GIGYF2: variants seen among roughly 807,000 people sequenced by gnomAD.
GIGYF2 encodes GRB10 interacting GYF protein 2, also known as GRB10-interacting GYF protein 2.
GIGYF2 carries 25 observed loss-of-function variants against 208.1 expected under a neutral mutation model. That is an observed-to-expected ratio of 0.12 (90% CI 0.09 to 0.17). GIGYF2 has a LOEUF of 0.17. Among genes scored for constraint, GIGYF2 ranks in the 10% least tolerant of loss-of-function variants. GIGYF2 has a pLI of 1.00. For synonymous variants in GIGYF2, 534 were observed against 543.8 expected (o/e 0.98, Z 0.25); for missense variants, 1,302 against 1,579.4 (o/e 0.82, Z 2.98).
chr2:232,802,300 G>A (rs1700422000), intron 14 of GIGYF2, among the ~76,000 whole-genome samples: 1 of 152,054 alleles, frequency 6.6e-6, no homozygotes, highest in Admixed American at 6.6e-5. Context: ...GAATAGGGAA[G>A]TGGTGAAAGT....
intron 3 of GIGYF2, chr2:232,736,567 C>G (rs1697742845): frequency 6.6e-6 from 1 of 151,950 alleles, no homozygotes; most frequent in South Asian, 2.1e-4. Context: ...TATGGATGTA[C>G]CATCATTTAT....
intron 8 of GIGYF2, among the ~76,000 whole-genome samples, chr2:232,772,521 G>A (rs929428296): frequency 1.3e-5 from 2 of 152,188 alleles, no homozygotes; most frequent in African/African-American, 2.4e-5. Flanking sequence ...TTAGTTTTCT[G>A]CTGCAAACAG....
At chr2:232,838,670 G>T (rs1425203798) in intron 22 of GIGYF2, among the ~76,000 whole-genome samples, 1 of 152,280 alleles carries the variant, frequency 6.6e-6, no homozygotes, top group Middle Eastern at 3.4e-3. Context: ...TTCAGGTTAT[G>T]CTGCCAGTTT....
At chr2:232,741,282 T>C (rs1050910618) in intron 3 of GIGYF2, among the ~76,000 whole-genome samples, 1 of 152,170 alleles carries the variant, frequency 6.6e-6, no homozygotes, top group African/African-American at 2.4e-5. Flanking sequence ...TGTTCCTATA[T>C]CGGGTCTGTC....
At chr2:232,815,344 C>G (rs569015633) in intron 18 of GIGYF2, among the ~76,000 whole-genome samples, 194 of 152,214 alleles carry the variant, frequency 1.3e-3, no homozygotes, top group African/African-American at 4.6e-3. Context: ...ACTTCTGACC[C>G]TTAGTTTGTT....
chr2:232,826,912 A>G (rs1157474019), intron 21 of GIGYF2, among the ~76,000 whole-genome samples: 1 of 152,212 alleles, frequency 6.6e-6, no homozygotes, highest in African/African-American at 2.4e-5. Flanking sequence ...ATCAGCAGCC[A>G]TCAACATCAA....
At chr2:232,853,568 C>T (rs908569701) in intron 28 of GIGYF2, among the ~76,000 whole-genome samples, 9 of 152,320 alleles carry the variant, frequency 5.9e-5, no homozygotes, top group Admixed American at 2.6e-4. Context: ...CCACCGTGCC[C>T]GGCTGGCTTC....
intron 8 of GIGYF2, chr2:232,764,733 A>G (rs898993578): frequency 3.3e-5 from 5 of 152,218 alleles, no homozygotes; most frequent in Admixed American, 1.3e-4. Flanking sequence ...TTGTCTGAAA[A>G]TGGCTTGGGT....
chr2:232,747,850 A>T (rs1463457833), intron 4 of GIGYF2, 106 bp downstream of exon 4: 4 of 1,032,666 alleles, frequency 3.9e-6, no homozygotes, highest in Admixed American at 3.7e-5. Flanking sequence ...GTATTGACCC[A>T]TGCCTTTCCA....
At chr2:232,707,405 G>C (rs933589335) in intron 2 of GIGYF2, among the ~76,000 whole-genome samples, 1 of 152,060 alleles carries the variant, frequency 6.6e-6, no homozygotes, top group Non-Finnish European at 1.5e-5. Context: ...GAATTGTCTT[G>C]GTACTTTCTA....
chr2:232,756,105 G>A (rs542367363), intron 5 of GIGYF2, 118 bp from the exon 6 acceptor site: 4 of 640,010 alleles, frequency 6.2e-6, no homozygotes, highest in African/African-American at 3.7e-5. Flanking sequence ...GTAATTAGAT[G>A]CCTTTTTATA....
At chr2:232,808,531 A>C (rs1318259603) in intron 15 of GIGYF2, among the ~76,000 whole-genome samples, 1 of 152,216 alleles carries the variant, frequency 6.6e-6, no homozygotes, top group African/African-American at 2.4e-5. Flanking sequence ...TTTTTCATGT[A>C]GACATTTTAG....
chr2:232,730,271 G>A (rs1697402503), intron 2 of GIGYF2: 2 of 720,290 alleles, frequency 2.8e-6, no homozygotes, highest in Admixed American at 2.5e-5. Flanking sequence ...GCTGAAAGAG[G>A]AAAAAAATAT....
At chr2:232,826,576 T>C (rs960544434) in intron 21 of GIGYF2, among the ~76,000 whole-genome samples, 3 of 152,152 alleles carry the variant, frequency 2.0e-5, no homozygotes, top group Non-Finnish European at 2.9e-5. Flanking sequence ...CAAAAGAAAC[T>C]ATCATCAGAG....
At chr2:232,847,311 C>T in intron 26 of GIGYF2, 37 bp from the exon 27 acceptor site, 1 of 1,602,494 alleles carries the variant, frequency 6.2e-7, no homozygotes, top group Non-Finnish European at 8.5e-7. Context: ...TTCATTATTT[C>T]ATTGTTACCC....
At chr2:232,740,503 GTATTT>G (rs1178229610) in intron 3 of GIGYF2, among the ~76,000 whole-genome samples, 1 of 152,102 alleles carries the variant, frequency 6.6e-6, no homozygotes, top group African/African-American at 2.4e-5. Context: ...CTTCCCCAAA[GTATTT>G]TATTTATACA....
intron 3 of GIGYF2, among the ~76,000 whole-genome samples, chr2:232,745,637 G>C (rs1369674102): frequency 6.6e-6 from 1 of 152,130 alleles, no homozygotes; most frequent in African/African-American, 2.4e-5. Context: ...AACTATACCA[G>C]GTAGTATAAG....
At chr2:232,804,329 C>T (rs868649122) in intron 14 of GIGYF2, among the ~76,000 whole-genome samples, 21 of 147,314 alleles carry the variant, frequency 1.4e-4, no homozygotes, top group Admixed American at 1.4e-4. Flanking sequence ...ATCAGTGTTG[C>T]GTAGTTTTCA....
chr2:232,753,097 G>GTATTTATTTATTTATT (rs58602448), intron 5 of GIGYF2, among the ~76,000 whole-genome samples: 21 of 143,288 alleles, frequency 1.5e-4, no homozygotes, highest in Non-Finnish European at 2.6e-4. Context: ...ACACTTGACA[G>GTATTTATTTATTTATT]TATTTATTTA....
Sources: allele counts gnomAD v4.1 joint callset (sites outside exome capture counted in the v4.1 genomes callset), GRCh38; gene constraint gnomAD v4.1.1; transcripts MANE v1.5; gene names NCBI Gene and HGNC (gene_info 2026-07-23, HGNC 2026-07-21).